LIN9: variants seen among roughly 807,000 people sequenced by gnomAD.
LIN9 encodes protein lin-9 homolog.
LIN9 carries 18 observed loss-of-function variants against 78.0 expected under a neutral mutation model. The observed-to-expected ratio is 0.23, with a 90% CI of 0.16 to 0.34. The LOEUF is 0.34. Ranked by LOEUF, LIN9 falls within the 10% of genes least tolerant of loss-of-function variation. LIN9 has a pLI of 1.00. For missense variants in LIN9, 451 were observed against 644.1 expected, an observed-to-expected ratio of 0.70 and a Z score of 3.25; for synonymous variants, 192 against 215.2, an observed-to-expected ratio of 0.89 and a Z score of 0.94.
chr1:226,278,199 C>T (rs145451619), intron 6 of LIN9, among the ~76,000 whole-genome samples: 2 of 152,072 alleles, frequency 1.3e-5, no homozygotes, highest in South Asian at 2.1e-4. Flanking sequence ...GAGGCTGAGG[C>T]GGACAGATCA....
chr1:226,282,848 A>G (rs957556350), intron 6 of LIN9, among the ~76,000 whole-genome samples: 1 of 152,146 alleles, frequency 6.6e-6, no homozygotes, highest in African/African-American at 2.4e-5. Context: ...AAACAAAAAA[A>G]ACTGTATCTC....
chr1:226,233,184 C>T lies in LIN9; in HGVS notation c.1435G>A (p.Glu479Lys). 1 of 1,602,456 alleles carries T rather than the reference C, an allele frequency of 6.2e-7. No homozygotes were observed. The highest frequency in any genetic ancestry group is 8.5e-7 in the Non-Finnish European group (1 of 1,175,772). Residue 479 changes from glutamate to lysine, a missense_variant, in exon 14 of 15, where the codon GAA becomes AAA. Glu to Lys is a moderately conservative substitution (Grantham distance 56). Transcript: ENST00000681046. Reference protein sequence around the residue: ...AILLQIKCLAEGGDLNSFEFK... With the variant: ...AILLQIKCLAKGGDLNSFEFK... ...TCAAAGGAATTCAGGTCTCCTCCTT[C>T]TGCTAGACACTAAAGGGAAAAAAAT... is the stretch of plus-strand genomic sequence containing the variant.
intron 1 of LIN9, 32 bp from the exon 2 acceptor site, chr1:226,301,237 AT>A: frequency 6.4e-7 from 1 of 1,559,254 alleles, no homozygotes; most frequent in Non-Finnish European, 8.7e-7. Context: ...ATCAATAATT[AT>A]TTCATAACCA....
intron 7 of LIN9, among the ~76,000 whole-genome samples, chr1:226,276,251 C>T (rs1010118520): frequency 5.9e-5 from 9 of 152,204 alleles, no homozygotes; most frequent in Non-Finnish European, 1.0e-4. Flanking sequence ...TCACTCTTCA[C>T]GTCAGCATTT....
intron 11 of LIN9, 62 bp from the exon 12 acceptor site, chr1:226,239,158 G>T: frequency 3.9e-6 from 6 of 1,531,362 alleles, no homozygotes; most frequent in East Asian, 2.3e-5. Flanking sequence ...CAATTTCAAT[G>T]ATCTAAAAGG....
chr1:226,231,979 T>C lies in LIN9; in HGVS notation c.*522A>G, dbSNP rs1657365719. ...TTGTAAAGTCCACATTTCCCATCTATATTTCAGTGGTTTCCTTAAAACTAG... is the reference window on the plus strand; with the variant it reads ...TTGTAAAGTCCACATTTCCCATCTACATTTCAGTGGTTTCCTTAAAACTAG... On this transcript the variant is annotated 3_prime_UTR_variant, in exon 15 of 15. Transcript: ENST00000681046. The C allele has an allele frequency of 1.0e-5, 4 of 395,940 alleles. No individual in the cohort carries two copies. The highest frequency in any genetic ancestry group is 2.1e-5 in the African/African-American group (1 of 48,692). 24.5% of individuals were successfully genotyped at this position (395,940 alleles called of 1,614,324 possible). A position where few individuals can be genotyped will look rare whatever the true frequency, so the allele number is the denominator to read the frequency against.
At chr1:226,235,876 T>C (rs905559084) in intron 12 of LIN9, among the ~76,000 whole-genome samples, 6 of 152,242 alleles carry the variant, frequency 3.9e-5, no homozygotes, top group African/African-American at 1.4e-4. Flanking sequence ...TTCTGCTTCC[T>C]TTTGAAAAAT....
At chr1:226,286,146 T>C (rs141819666) in intron 6 of LIN9, among the ~76,000 whole-genome samples, 187 bp downstream of exon 6, 71 of 152,266 alleles carry the variant, frequency 4.7e-4, no homozygotes, top group South Asian at 1.5e-3. Flanking sequence ...AGAGGAATGG[T>C]CTCACTGTGT....
intron 11 of LIN9, among the ~76,000 whole-genome samples, chr1:226,249,913 C>T (rs887811027): frequency 2.6e-5 from 4 of 152,098 alleles, no homozygotes; most frequent in Admixed American, 2.6e-4. Flanking sequence ...TGGCTGGGTG[C>T]TGTGGCTCAC....
At chr1:226,238,320 A>C (rs914915381) in intron 12 of LIN9, among the ~76,000 whole-genome samples, 3 of 152,220 alleles carry the variant, frequency 2.0e-5, no homozygotes, top group African/African-American at 7.2e-5. Flanking sequence ...AAAAAGACTA[A>C]GAAGAAATAA....
intron 2 of LIN9, among the ~76,000 whole-genome samples, chr1:226,300,098 C>A (rs1457467163): frequency 6.6e-6 from 1 of 151,924 alleles, no homozygotes; most frequent in Non-Finnish European, 1.5e-5. Flanking sequence ...GCCACCACTC[C>A]CGGATAATTT....
intron 11 of LIN9, among the ~76,000 whole-genome samples, chr1:226,241,390 T>C (rs1474741548): frequency 6.6e-6 from 1 of 152,174 alleles, no homozygotes; most frequent in African/African-American, 2.4e-5. Context: ...AACTAGTTAA[T>C]CAAAATCAAA....
intron 7 of LIN9, among the ~76,000 whole-genome samples, chr1:226,270,963 C>T (rs1206880051): frequency 6.6e-6 from 1 of 151,096 alleles, no homozygotes; most frequent in East Asian, 1.9e-4. Context: ...TTTAGATAAC[C>T]TACAGAAAAT....
intron 11 of LIN9, among the ~76,000 whole-genome samples, chr1:226,244,914 G>T (rs989190880): frequency 6.6e-6 from 1 of 152,170 alleles, no homozygotes; most frequent in African/African-American, 2.4e-5. Context: ...GAACATTCAG[G>T]TTGTTTCTAA....
intron 2 of LIN9, among the ~76,000 whole-genome samples, chr1:226,300,033 G>C (rs1432770219): frequency 6.6e-6 from 1 of 151,530 alleles, no homozygotes; most frequent in East Asian, 1.9e-4. Context: ...CTGCCTCCCA[G>C]GTTCAAACAA....
In LIN9 at chr1:226,231,861, G is replaced by A. The variant is rs1189530916; in HGVS notation, c.*640C>T. The A allele has an allele frequency of 1.4e-5, 4 of 278,812 alleles. No individual in the cohort carries two copies. The highest frequency in any genetic ancestry group is 1.9e-5 in the Non-Finnish European group (3 of 154,004). 17.3% of individuals were successfully genotyped at this position (278,812 alleles called of 1,614,324 possible). A position where few individuals can be genotyped will look rare whatever the true frequency, so the allele number is the denominator to read the frequency against. ...TCATTTTCTTTCAACAAACAACAAA[G>A]GTTTCTTTTATATGTTATGATAAAT... On this transcript the variant is annotated 3_prime_UTR_variant, in exon 15 of 15. Coordinates refer to ENST00000681046, the MANE Select transcript of LIN9 (RefSeq NM_001366245.2).
At position 226,297,778 on chromosome 1, in the gene LIN9, T is replaced by C. The variant is rs771808456; in HGVS notation, c.100A>G (p.Ser34Gly). 1 of 1,590,634 alleles carries C rather than the reference T, an allele frequency of 6.3e-7. No individual in the cohort carries two copies. The highest frequency in any genetic ancestry group is 8.5e-7 in the Non-Finnish European group (1 of 1,170,526). ...SLSNTWNEKY[S>G]SLQKTPVWKG... ...CAAACAGGTGTTTTCTGTAAAGAAC[T>C]GTACTTTTCATTCCACGTGTTAGAT... The change falls in exon 3 of 15, where the codon AGT (serine) becomes GGT (glycine). Residue 34 changes from serine (S) to glycine (G), a missense_variant. Transcript: ENST00000681046.
intron 4 of LIN9, among the ~76,000 whole-genome samples, chr1:226,292,069 G>T (rs1425175561): frequency 6.6e-6 from 1 of 152,098 alleles, no homozygotes; most frequent in Non-Finnish European, 1.5e-5. Flanking sequence ...TTTAAATAGG[G>T]TATATAGGGT....
At chr1:226,266,591 AAG>A (rs1491522689) in intron 8 of LIN9, among the ~76,000 whole-genome samples, 7 of 146,932 alleles carry the variant, frequency 4.8e-5, no homozygotes, top group African/African-American at 1.7e-4. Context: ...AATAAAAAAA[AAG>A]GGGGGGGGTC....
Sources: allele counts gnomAD v4.1 joint callset (sites outside exome capture counted in the v4.1 genomes callset), GRCh38; gene constraint gnomAD v4.1.1; transcripts MANE v1.5; gene names NCBI Gene and HGNC (gene_info 2026-07-23, HGNC 2026-07-21).